The following PITX1 variants were observed in gnomAD, a reference collection of about 807,000 sequenced individuals.
PITX1 encodes pituitary homeobox 1.
PITX1 carries 5 observed loss-of-function variants against 24.1 expected under a neutral mutation model. That is an observed-to-expected ratio of 0.21 (90% CI 0.11 to 0.44). The LOEUF is 0.44. Ranked by LOEUF, PITX1 falls within the 20% of genes least tolerant of loss-of-function variation. PITX1 has a pLI of 0.99. For missense variants in PITX1, 401 were observed against 455.4 expected (o/e 0.88, Z 1.09); for synonymous variants, 213 against 208.9 (o/e 1.02, Z -0.17).
chr5:135,032,581 G>A (rs970433113), intron 1 of PITX1, among the ~76,000 whole-genome samples: 2 of 151,766 alleles, frequency 1.3e-5, no homozygotes, highest in African/African-American at 4.8e-5. Flanking sequence ...GTTGCATGTA[G>A]ATATTTTAAA....
chr5:135,034,481 C>T (rs1050749559), upstream of PITX1: 3 of 152,456 alleles, frequency 2.0e-5, no homozygotes, highest in Non-Finnish European at 2.9e-5. Flanking sequence ...CGCGCCTCTC[C>T]CTCCTTCCCC....
rs10056994 is a variant in PITX1 at position 135,029,380 on chromosome 5, C to T, written c.403-59G>A. The T allele has an allele frequency of 0.13, 176,244 of 1,406,352 alleles. 15,147 individuals are homozygous for T. The highest frequency in any genetic ancestry group is 0.42 in the African/African-American group (29,360 of 69,362). 87.1% of individuals were successfully genotyped at this position (1,406,352 alleles called of 1,614,324 possible). On this transcript the variant is annotated intron_variant, in intron 2 of 2. Coordinates refer to ENST00000265340, the MANE Select transcript of PITX1 (RefSeq NM_002653.5). ...CTGCGGGCCGGGAGGGACCCCACCC[C>T]CTTCCCCACCGCCTGGAGCCTTCCG...
rs1021419852 is a variant in PITX1 at position 135,029,212 on chromosome 5, T to A, written c.512A>T (p.Tyr171Phe). ...VPQFSGLVQPYEDVYAAGYSY... is the reference protein window; with the variant it reads ...VPQFSGLVQPFEDVYAAGYSY... ...GTAGCCGGCGGCGTACACGTCCTCG[T>A]AGGGCTGCACTAGGCCGCTGAACTG... The change falls in exon 3 of 3, where the codon TAC (tyrosine) becomes TTC (phenylalanine). Residue 171 changes from tyrosine (Y) to phenylalanine (F), a missense_variant. Tyr to Phe is a conservative substitution (Grantham distance 22). Around this residue, in one of 3 missense-constraint regions of PITX1, gnomAD observed 217 missense variants for 219.8 expected, o/e 0.99. Coordinates refer to ENST00000265340, the MANE Select transcript of PITX1 (RefSeq NM_002653.5). The A allele has an allele frequency of 6.2e-7, 1 of 1,614,144 alleles. No individual in the cohort carries two copies. The highest frequency in any genetic ancestry group is 8.5e-7 in the Non-Finnish European group (1 of 1,180,030).
rs1752400294 is a variant in PITX1 at position 135,028,923 on chromosome 5, G to A, written c.801C>T (p.Pro267=). The A allele has an allele frequency of 2.5e-6, 4 of 1,613,842 alleles. No individual in the cohort carries two copies. The highest frequency in any genetic ancestry group is 1.7e-5 in the Admixed American group (1 of 60,002). Residue 267 remains proline, a synonymous_variant, in exon 3 of 3, where the codon CCC becomes CCT. Coordinates refer to ENST00000265340, the MANE Select transcript of PITX1 (RefSeq NM_002653.5). ...MSPGACPYGT[P]ASPYSVYRDT... ...CCCGGTAGACGCTGTAGGGCGAGGC[G>A]GGAGTGCCGTACGGGCAAGCGCCCG...
Position 135,033,575 on chromosome 5 carries a change from G to C in PITX1, c.169+138C>G. ...CGCGTTCACCGTCAGGTCGAGAACG[G>C]GAAAAAGAAAGCTCCTGACGCTTCT... On this transcript the variant is annotated intron_variant, in intron 1 of 2. Coordinates refer to ENST00000265340, the MANE Select transcript of PITX1 (RefSeq NM_002653.5). This position sits in a 1 kb window ranked among gnomAD's most constrained non-coding sequence, Gnocchi z 5.9. 1.1e-6 allele frequency: 1 copy of C among 905,412 alleles called. No homozygotes were observed. The highest frequency in any genetic ancestry group is 1.5e-5 in the South Asian group (1 of 66,728). 56.1% of individuals were successfully genotyped at this position (905,412 alleles called of 1,614,324 possible). A position where few individuals can be genotyped will look rare whatever the true frequency, so the allele number is the denominator to read the frequency against.
chr5:135,032,828 A>G (rs1440194451), intron 1 of PITX1: 9 of 334,314 alleles, frequency 2.7e-5, no homozygotes, highest in Non-Finnish European at 5.3e-5. Flanking sequence ...TTAGGGATGC[A>G]AAAGAGAAAC....
rs763327011 is a variant in PITX1, at chr5:135,033,145, G to A, written c.169+568C>T. On this transcript the variant is annotated intron_variant, in intron 1 of 2. Transcript: ENST00000265340. The surrounding 1 kb of genome is among the most constrained non-coding windows in gnomAD (Gnocchi z 5.9). Reference sequence around the variant, plus strand: ...GGATCCCTTGATCGGCGTTCCGGCTGGCCTTGCTGGGAGTCCGGCCGCGCC... The same window carrying A: ...GGATCCCTTGATCGGCGTTCCGGCTAGCCTTGCTGGGAGTCCGGCCGCGCC... 104 of 334,892 alleles carry A rather than the reference G, an allele frequency of 3.1e-4. 4 individuals carry two copies. Among genetic ancestry groups the A allele is most frequent in the South Asian group, 2.2e-3 (100 of 46,082 alleles). The allele number at this position is 334,892 out of a possible 1,614,324, so 20.7% of individuals were successfully genotyped here. A position where few individuals can be genotyped will look rare whatever the true frequency, so the allele number is the denominator to read the frequency against.
Position 135,028,429 on chromosome 5 carries a change from G to A in PITX1, c.*350C>T, listed in dbSNP as rs539427406. 3.9e-3 allele frequency: 596 copies of A among 153,866 alleles called. 4 individuals are homozygous for A. Among genetic ancestry groups the A allele is most frequent in the African/African-American group, 0.014 (566 of 41,072 alleles). The allele number at this position is 153,866 out of a possible 1,614,324, so 9.5% of individuals were successfully genotyped here. ...GGCCTCGGCGCTCGCCTACCGCGCC[G>A]CGTGCCCTCCGCGGAGTGGGCCTCC... On this transcript the variant is annotated 3_prime_UTR_variant, in exon 3 of 3. Transcript: ENST00000265340.
At chr5:135,031,044 C>T (rs891548640) in intron 2 of PITX1, among the ~76,000 whole-genome samples, 3 of 152,152 alleles carry the variant, frequency 2.0e-5, no homozygotes, top group Admixed American at 2.0e-4. Flanking sequence ...TGCCTTAGTC[C>T]GAGGATCAGG....
Position 135,028,873 on chromosome 5 carries a change from C to T in PITX1, c.851G>A (p.Ser284Asn). ...GTGCTGTTTGGACTTGAGCCGCAGG[C>T]TGGCTAGGCTCGAGTTGCACGTGTC... ...YRDTCNSSLA[S>N]LRLKSKQHSS... Residue 284 changes from serine to asparagine, a missense_variant, in exon 3 of 3, where the codon AGC becomes AAC. By Grantham distance (46) the Ser-to-Asn change is conservative. This residue lies in a region of PITX1 where 217 missense variants were observed against 219.8 expected (regional missense o/e 0.99). Coordinates refer to ENST00000265340, the MANE Select transcript of PITX1 (RefSeq NM_002653.5). The T allele has an allele frequency of 6.2e-7, 1 of 1,613,648 alleles. No homozygotes were observed. The highest frequency in any genetic ancestry group is 8.5e-7 in the Non-Finnish European group (1 of 1,179,914).
chr5:135,029,547 C>T (rs764869016), intron 2 of PITX1, among the ~76,000 whole-genome samples: 6 of 152,232 alleles, frequency 3.9e-5, no homozygotes, highest in African/African-American at 9.6e-5. Flanking sequence ...AAATTATATC[C>T]GTTTTCTTCT....
rs1473796967 is a variant in PITX1, at chr5:135,033,234, C to G, written c.169+479G>C. 3.3e-6 allele frequency: 1 copy of G among 304,852 alleles called. No homozygotes were observed. Among genetic ancestry groups the G allele is most frequent in the Non-Finnish European group, 6.4e-6 (1 of 157,040 alleles). The allele number at this position is 304,852 out of a possible 1,614,324, so 18.9% of individuals were successfully genotyped here. ...TTCTACTTGATGACCCCTCTCCCCC[C>G]GTTTACCCTTCCCGCCCGCCCCTTC... is the stretch of plus-strand genomic sequence containing the variant. On this transcript the variant is annotated intron_variant, in intron 1 of 2. Transcript: ENST00000265340. The surrounding 1 kb of genome is among the most constrained non-coding windows in gnomAD (Gnocchi z 5.9).
intron 1 of PITX1, chr5:135,031,739 C>G (rs1032329441): frequency 1.7e-6 from 1 of 592,258 alleles, no homozygotes; most frequent in African/African-American, 1.9e-5. Flanking sequence ...GCTGGAGCCG[C>G]GGGCCTGCGT....
At chr5:135,030,299 C>A (rs1752426805) in intron 2 of PITX1, among the ~76,000 whole-genome samples, 1 of 152,150 alleles carries the variant, frequency 6.6e-6, no homozygotes, top group African/African-American at 2.4e-5. Context: ...CTGACACTAC[C>A]TGATTCCACC....
chr5:135,030,705 G>C (rs1056846914), intron 2 of PITX1, among the ~76,000 whole-genome samples: 2 of 152,212 alleles, frequency 1.3e-5, no homozygotes, highest in East Asian at 3.9e-4. Context: ...CTTCCGGAAA[G>C]GGCAGAAGGC....
At position 135,029,536 on chromosome 5, in the gene PITX1, G is replaced by T. The variant is rs138113560; in HGVS notation, c.403-215C>A. 2.5e-3 allele frequency among the ~76,000 whole-genome samples: 378 copies of T among 152,262 alleles called. 1 individual carries two copies. Among genetic ancestry groups the T allele is most frequent in the African/African-American group, 8.8e-3 (366 of 41,546 alleles). On this transcript the variant is annotated intron_variant, in intron 2 of 2. Coordinates refer to ENST00000265340, the MANE Select transcript of PITX1 (RefSeq NM_002653.5). Reference sequence around the variant, plus strand: ...CTTTTTCCGATCTTTATCCTCTCCCGAAATTATATCCGTTTTCTTCTCCGA... The same window carrying T: ...CTTTTTCCGATCTTTATCCTCTCCCTAAATTATATCCGTTTTCTTCTCCGA...
intron 2 of PITX1, 126 bp from the exon 3 acceptor site, chr5:135,029,447 G>T (rs1157823504): frequency 4.2e-6 from 3 of 716,414 alleles, no homozygotes; most frequent in African/African-American, 1.8e-5. Flanking sequence ...TCCTTCGACC[G>T]ATATTTCCGC....
chr5:135,031,576 C>T, intron 1 of PITX1, 68 bp from the exon 2 acceptor site: 1 of 1,295,676 alleles, frequency 7.7e-7, no homozygotes, highest in African/African-American at 1.5e-5. Flanking sequence ...CCCGGCTCCA[C>T]CGAACCGCTC....
chr5:135,028,985 T>C lies in PITX1; in HGVS notation c.739A>G (p.Asn247Asp). Residue 247 changes from asparagine to aspartate, a missense_variant, in exon 3 of 3, where the codon AAC becomes GAC. Asn to Asp is a conservative substitution (Grantham distance 23). Coordinates refer to ENST00000265340, the MANE Select transcript of PITX1 (RefSeq NM_002653.5). The part of the protein sequence containing the change: ...MPNSGLNNIN[N>D]LTGSSLNSAM... ...GAGTTGAGCGAGGAGCCGGTGAGGT[T>C]GTTGATGTTGTTGAGGCCCGAGTTG... 6.2e-7 allele frequency: 1 copy of C among 1,614,040 alleles called. No homozygotes were observed. The highest frequency in any genetic ancestry group is 1.1e-5 in the South Asian group (1 of 91,078).
Sources: gnomAD v4.1 joint callset for allele counts (sites outside exome capture counted in the v4.1 genomes callset) on GRCh38, gnomAD v4.1.1 for gene constraint, gnomAD v4.1.1 regional missense constraint, Gnocchi (gnomAD v3.1) non-coding constraint, MANE v1.5 for transcripts, NCBI Gene and HGNC (gene_info 2026-07-23, HGNC 2026-07-21) for gene names.